Variants in IMPA2 observed in about 807,000 individuals in gnomAD.
The protein encoded by IMPA2 is IMP 2.
IMPA2 carries 32 observed loss-of-function variants against 35.1 expected under a neutral mutation model. That is an observed-to-expected ratio of 0.91 (90% CI 0.69 to 1.23). The LOEUF is 1.23. Among genes scored for constraint, IMPA2 ranks in the 50% most tolerant of loss-of-function variants. The pLI is 0.00. For synonymous variants in IMPA2, 135 were observed against 160.6 expected, an observed-to-expected ratio of 0.84 and a Z score of 1.20; for missense variants, 334 against 387.6, an observed-to-expected ratio of 0.86 and a Z score of 1.16.
chr18:11,981,915 C>A, intron 1 of IMPA2, 150 bp downstream of exon 1: 1 of 446,308 alleles, frequency 2.2e-6, no homozygotes, highest in Non-Finnish European at 3.6e-6. Flanking sequence ...TGAAAGGAGC[C>A]TTTGTGCTGG....
At chr18:12,003,066 G>T (rs370175304) in intron 2 of IMPA2, among the ~76,000 whole-genome samples, 1 of 151,886 alleles carries the variant, frequency 6.6e-6, no homozygotes, top group South Asian at 2.1e-4. Flanking sequence ...ATGGTAGTGC[G>T]TGCCTGTAAT....
chr18:12,015,291 C>T (rs1315362803), intron 5 of IMPA2, among the ~76,000 whole-genome samples: 1 of 152,202 alleles, frequency 6.6e-6, no homozygotes, highest in Non-Finnish European at 1.5e-5. Flanking sequence ...AGCCTCCCTG[C>T]CGCCTCCCCT....
intron 2 of IMPA2, among the ~76,000 whole-genome samples, chr18:12,007,569 CCTT>C (rs1424707314): frequency 6.8e-6 from 1 of 147,512 alleles, no homozygotes; most frequent in African/African-American, 2.6e-5. Flanking sequence ...TTCTTTCTTT[CCTT>C]CTTTTCTTTC....
intron 5 of IMPA2, among the ~76,000 whole-genome samples, chr18:12,016,276 C>T (rs1907575614): frequency 6.6e-6 from 1 of 152,132 alleles, no homozygotes; most frequent in Non-Finnish European, 1.5e-5. Flanking sequence ...CTAAACTGGC[C>T]CATTCAGGAC....
intron 5 of IMPA2, among the ~76,000 whole-genome samples, chr18:12,014,997 C>G (rs974091730): frequency 6.6e-6 from 1 of 152,200 alleles, no homozygotes; most frequent in Non-Finnish European, 1.5e-5. Context: ...TTCACTGATT[C>G]TTTTCGGCCT....
intron 1 of IMPA2, among the ~76,000 whole-genome samples, chr18:11,989,758 C>T (rs1906761533): frequency 2.6e-5 from 4 of 152,128 alleles, no homozygotes; most frequent in South Asian, 4.1e-4. Flanking sequence ...CTCATCCCCA[C>T]GGGGAGAGTG....
chr18:11,983,767 C>T (rs1473424653), intron 1 of IMPA2, among the ~76,000 whole-genome samples: 1 of 152,052 alleles, frequency 6.6e-6, no homozygotes, highest in Non-Finnish European at 1.5e-5. Context: ...AGGGAATGGC[C>T]TGAAGGTCTG....
chr18:11,990,898 C>T (rs1455183916), intron 1 of IMPA2, among the ~76,000 whole-genome samples: 4 of 152,166 alleles, frequency 2.6e-5, no homozygotes, highest in Non-Finnish European at 5.9e-5. Flanking sequence ...TCATCTTTAA[C>T]GTGGAGAATA....
At chr18:11,986,014 C>T (rs1408877660) in intron 1 of IMPA2, among the ~76,000 whole-genome samples, 1 of 152,154 alleles carries the variant, frequency 6.6e-6, no homozygotes, top group Non-Finnish European at 1.5e-5. Context: ...TGTTAGGGTC[C>T]CTTGCAGGCA....
At chr18:11,987,460 A>G (rs1216556794) in intron 1 of IMPA2, among the ~76,000 whole-genome samples, 1 of 152,086 alleles carries the variant, frequency 6.6e-6, no homozygotes, top group Non-Finnish European at 1.5e-5. Context: ...CCTCCTGAAC[A>G]GCTGGGTCTA....
intron 1 of IMPA2, among the ~76,000 whole-genome samples, chr18:11,992,657 T>C (rs776081142): frequency 6.6e-6 from 1 of 152,208 alleles, no homozygotes; most frequent in Non-Finnish European, 1.5e-5. Flanking sequence ...GGGGGGTCTG[T>C]GAAGTGCATG....
At chr18:11,994,715 A>AC (rs1245780271) in intron 1 of IMPA2, 3 of 152,156 alleles carry the variant, frequency 2.0e-5, no homozygotes. Flanking sequence ...GTTCCTGGAG[A>AC]CCCCCATGAG....
At chr18:11,989,943 G>A (rs1906767511) in intron 1 of IMPA2, among the ~76,000 whole-genome samples, 1 of 152,200 alleles carries the variant, frequency 6.6e-6, no homozygotes, top group Non-Finnish European at 1.5e-5. Context: ...AGGGGTGGAG[G>A]AAGGCAGGAG....
intron 3 of IMPA2, 59 bp from the exon 4 acceptor site, chr18:12,012,111 G>C (rs963913281): frequency 1.9e-6 from 3 of 1,549,576 alleles, no homozygotes; most frequent in Non-Finnish European, 2.7e-6. Flanking sequence ...ACAGCACACA[G>C]GCTCCCGAGA....
intron 2 of IMPA2, among the ~76,000 whole-genome samples, chr18:12,002,384 A>G (rs777581889): frequency 2.6e-5 from 4 of 152,196 alleles, no homozygotes; most frequent in Non-Finnish European, 4.4e-5. Context: ...CAGGCTCCCC[A>G]GTTTTATTAT....
rs184113791 is a variant in IMPA2, at chr18:11,991,568, C to G, written c.97-7486C>G. Among the ~76,000 whole-genome samples the G allele has an allele frequency of 6.6e-6, 1 of 151,898 alleles. No homozygotes were observed. Among genetic ancestry groups the G allele is most frequent in the African/African-American group, 2.4e-5 (1 of 41,340 alleles). ...ATCAGGTTCTTCAGAGAAACAGGAC[C>G]GGCAGGAGGTGGGTGGGTCCAGTCT... On this transcript the variant is annotated intron_variant, in intron 1 of 7. Transcript: ENST00000269159. This position sits in a 1 kb window ranked among gnomAD's most constrained non-coding sequence, Gnocchi z 4.1.
Position 11,991,064 on chromosome 18 carries a change from G to C in IMPA2, c.97-7990G>C, listed in dbSNP as rs572412929. 5.6e-4 allele frequency among the ~76,000 whole-genome samples: 85 copies of C among 152,356 alleles called. 2 individuals carry two copies. The South Asian group carries it at 0.017, about 31-fold the overall frequency. On this transcript the variant is annotated intron_variant, in intron 1 of 7. Transcript: ENST00000269159. The surrounding 1 kb of genome is among the most constrained non-coding windows in gnomAD (Gnocchi z 4.1). The stretch of plus-strand genomic sequence containing the variant: ...GCCATCTCCAGGAAGCTCAGCTGCT[G>C]AAGGCAGGTCCGAGGGCTTGCAAAC...
intron 2 of IMPA2, among the ~76,000 whole-genome samples, chr18:12,007,346 G>A (rs530889020): frequency 6.6e-6 from 1 of 152,282 alleles, no homozygotes; most frequent in East Asian, 1.9e-4. Context: ...TCAAATGTAA[G>A]CAGCCATATG....
At chr18:12,022,528 A>AAATACATATATATATATATATATATATAT (rs68185380) in intron 5 of IMPA2, among the ~76,000 whole-genome samples, 1 of 96,822 alleles carries the variant, frequency 1.0e-5, no homozygotes, top group Non-Finnish European at 2.0e-5. Flanking sequence ...TCTCAAAAAG[A>AAATACATATATATATATATATATATATAT]ATATATATAT....
Sources: allele counts gnomAD v4.1 joint callset (sites outside exome capture counted in the v4.1 genomes callset), GRCh38; gene constraint gnomAD v4.1.1; non-coding constraint Gnocchi (gnomAD v3.1); transcripts MANE v1.5; gene names NCBI Gene and HGNC (gene_info 2026-07-23, HGNC 2026-07-21).